Variants in UBE2O observed in about 807,000 individuals in gnomAD.
The protein encoded by UBE2O is ubiquitin conjugating enzyme E2 O.
Under a neutral mutation model 125.8 loss-of-function variants are expected in UBE2O, and 15 were observed. That is an observed-to-expected ratio of 0.12 (90% CI 0.08 to 0.18). UBE2O has a LOEUF of 0.18. Among genes scored for constraint, UBE2O ranks in the 10% least tolerant of loss-of-function variants. UBE2O has a pLI of 1.00. For synonymous variants in UBE2O, 708 were observed against 703.2 expected (o/e 1.01, Z -0.11); for missense variants, 1,280 against 1,723.6 (o/e 0.74, Z 4.56).
intron 1 of UBE2O, among the ~76,000 whole-genome samples, chr17:76,443,057 T>A (rs72860817): frequency 0.021 from 3,123 of 152,254 alleles, 35 homozygotes; most frequent in Middle Eastern, 0.058. Context: ...AGTGCTATCA[T>A]GTCTGCCACT....
Position 76,396,267 on chromosome 17 carries a change from G to C in UBE2O, c.2670C>G (p.Asp890Glu). 1 of 1,614,230 alleles carries C rather than the reference G, an allele frequency of 6.2e-7. No homozygotes were observed. ...TCACAGGTGACTGCCCCTCGGGCTT[G>C]TCCTCCTTGCGCTCTACGTCGGGCA... ...EAVPDVERKE[D>E]KPEGQSPVKA... Residue 890 changes from aspartate (D) to glutamate (E), a missense_variant, in exon 14 of 18, where the codon GAC (aspartate) becomes GAG (glutamate). Asp to Glu is a conservative substitution (Grantham distance 45). This residue lies in a region of UBE2O where 116 missense variants were observed against 154.8 expected (regional missense o/e 0.75). Coordinates refer to ENST00000319380, the MANE Select transcript of UBE2O (RefSeq NM_022066.4). The surrounding 1 kb of genome is among the most constrained non-coding windows in gnomAD (Gnocchi z 6.7).
rs775107565 is a variant in UBE2O at position 76,449,834 on chromosome 17, C to T, written c.417+2891G>A. Among the ~76,000 whole-genome samples the T allele has an allele frequency of 7.9e-5, 12 of 152,148 alleles. 1 individual carries two copies. Among genetic ancestry groups the T allele is most frequent in the African/African-American group, 2.9e-4 (12 of 41,518 alleles). On this transcript the variant is annotated intron_variant, in intron 1 of 17. Transcript: ENST00000319380. ...ACTCGGGAGGCTGAGGTAGGAGAAT[C>T]GCTTGAACCCGGGAGGCAGAGGTTG...
In UBE2O at chr17:76,391,620, G is replaced by A. The variant is rs201550259; in HGVS notation, c.3209-7C>T. 2 of 1,607,782 alleles carry A rather than the reference G, an allele frequency of 1.2e-6. No individual in the cohort carries two copies. Among genetic ancestry groups the A allele is most frequent in the Non-Finnish European group, 1.7e-6 (2 of 1,175,518 alleles). ...TCATTTACCAGGATCAGACCTGTGTGGGCGGGACACCTTCCCTCAGTGGGT... is the reference window on the plus strand; with the variant it reads ...TCATTTACCAGGATCAGACCTGTGTAGGCGGGACACCTTCCCTCAGTGGGT... On this transcript the variant is annotated splice_region_variant and splice_polypyrimidine_tract_variant and intron_variant, in intron 17 of 17. Transcript: ENST00000319380. The surrounding 1 kb of genome is among the most constrained non-coding windows in gnomAD (Gnocchi z 8.4).
chr17:76,418,543 C>T (rs901846111), intron 1 of UBE2O, among the ~76,000 whole-genome samples: 3 of 151,862 alleles, frequency 2.0e-5, no homozygotes, highest in African/African-American at 7.3e-5. Context: ...GAGCAGCCTC[C>T]ACAGGTCCCT....
rs148795177 is a variant in UBE2O, at chr17:76,403,804, G to A, written c.589-1105C>T. ...GGCTGGATCACAAAAAGTACAAGATGAGCCTGGCACATCTCATGCCAGAAA... is the reference window on the plus strand; with the variant it reads ...GGCTGGATCACAAAAAGTACAAGATAAGCCTGGCACATCTCATGCCAGAAA... On this transcript the variant is annotated intron_variant, in intron 3 of 17. Coordinates refer to ENST00000319380, the MANE Select transcript of UBE2O (RefSeq NM_022066.4). Among the ~76,000 whole-genome samples the A allele has an allele frequency of 4.5e-4, 68 of 152,160 alleles. 1 individual carries two copies. The highest frequency in any genetic ancestry group is 1.5e-3 in the African/African-American group (64 of 41,492).
In UBE2O at chr17:76,447,296, T is replaced by C. The variant is rs187003219; in HGVS notation, c.417+5429A>G. Among the ~76,000 whole-genome samples the C allele has an allele frequency of 2.6e-5, 4 of 152,346 alleles. No homozygotes were observed. In the East Asian group the frequency reaches 7.7e-4, roughly 29 times the overall value. ...ATTCAGATTCCTCCACTTAGAAGTG[T>C]GACACTGGGCAATTTACTTAACCTC... On this transcript the variant is annotated intron_variant, in intron 1 of 17. Coordinates refer to ENST00000319380, the MANE Select transcript of UBE2O (RefSeq NM_022066.4).
intron 1 of UBE2O, among the ~76,000 whole-genome samples, chr17:76,444,437 T>G (rs988319122): frequency 3.4e-4 from 52 of 152,208 alleles, no homozygotes; most frequent in African/African-American, 1.2e-3. Flanking sequence ...CACAGGAGGC[T>G]GAGGTGGGAG....
At chr17:76,417,897 A>G (rs2072643092) in intron 1 of UBE2O, among the ~76,000 whole-genome samples, 1 of 152,210 alleles carries the variant, frequency 6.6e-6, no homozygotes, top group Non-Finnish European at 1.5e-5. Flanking sequence ...CCCAGTCTCC[A>G]TGATGGTGCT....
rs1049019823 is a variant in UBE2O at position 76,402,208 on chromosome 17, G to A, written c.687-81C>T. On this transcript the variant is annotated intron_variant, in intron 4 of 17. Transcript: ENST00000319380. This position sits in a 1 kb window ranked among gnomAD's most constrained non-coding sequence, Gnocchi z 5.4. ...AGTTGCGATTCTGAGATGCCAATGCGCCCACATGCCCTAAATAGCACAATT... is the reference window on the plus strand; with the variant it reads ...AGTTGCGATTCTGAGATGCCAATGCACCCACATGCCCTAAATAGCACAATT... 35 of 1,236,420 alleles carry A rather than the reference G, an allele frequency of 2.8e-5. No homozygotes were observed. The highest frequency in any genetic ancestry group is 3.4e-5 in the Non-Finnish European group (29 of 854,950). The allele number at this position is 1,236,420 out of a possible 1,614,324, so 76.6% of individuals were successfully genotyped here.
chr17:76,405,399 C>T lies in UBE2O; in HGVS notation c.478-83G>A. 5 of 1,505,842 alleles carry T rather than the reference C, an allele frequency of 3.3e-6. No individual in the cohort carries two copies. The highest frequency in any genetic ancestry group is 4.6e-6 in the Non-Finnish European group (5 of 1,098,170). 93.3% of individuals were successfully genotyped at this position (1,505,842 alleles called of 1,614,324 possible). ...AGACCCAGCCCAGGCAACCCCAGCG[C>T]ACCCCCTGCAGAGCTGGCCAGTTCT... On this transcript the variant is annotated intron_variant, in intron 2 of 17. Coordinates refer to ENST00000319380, the MANE Select transcript of UBE2O (RefSeq NM_022066.4). This position sits in a 1 kb window ranked among gnomAD's most constrained non-coding sequence, Gnocchi z 6.1.
chr17:76,402,018 G>T lies in UBE2O; in HGVS notation c.750+46C>A. ...TTGCTACGAAGTCCTCCTTCCAGAG[G>T]ACTGAGCAATCAGAGAAGGGTGCTG... On this transcript the variant is annotated intron_variant, in intron 5 of 17. Coordinates refer to ENST00000319380, the MANE Select transcript of UBE2O (RefSeq NM_022066.4). This position sits in a 1 kb window ranked among gnomAD's most constrained non-coding sequence, Gnocchi z 5.4. 1 of 1,599,962 alleles carries T rather than the reference G, an allele frequency of 6.3e-7. No individual in the cohort carries two copies. The highest frequency in any genetic ancestry group is 8.5e-7 in the Non-Finnish European group (1 of 1,171,236).
intron 1 of UBE2O, among the ~76,000 whole-genome samples, chr17:76,435,447 CACACACACA>C (rs2072979869): frequency 2.1e-5 from 3 of 144,394 alleles, no homozygotes; most frequent in Admixed American, 2.1e-4. Context: ...CACACACACA[CACACACACA>C]AAGATTAAGA....
intron 1 of UBE2O, among the ~76,000 whole-genome samples, chr17:76,429,602 C>T (rs1256328521): frequency 6.6e-6 from 1 of 151,164 alleles, no homozygotes; most frequent in Non-Finnish European, 1.5e-5. Flanking sequence ...TGATAGAAAC[C>T]CTGTGAACAT....
intron 1 of UBE2O, among the ~76,000 whole-genome samples, chr17:76,422,335 C>T (rs901897775): frequency 2.0e-5 from 3 of 152,190 alleles, no homozygotes; most frequent in Admixed American, 2.0e-4. Context: ...CCAGGCTGAG[C>T]TCAAGTCCCA....
In UBE2O at chr17:76,397,685, G is replaced by A. The variant is rs781396194; in HGVS notation, c.2115+114C>T. 5.1e-5 allele frequency: 53 copies of A among 1,047,992 alleles called. No homozygotes were observed. The Admixed American group carries it at 6.9e-4, about 14-fold the overall frequency. The allele number at this position is 1,047,992 out of a possible 1,614,324, so 64.9% of individuals were successfully genotyped here. A position where few individuals can be genotyped will look rare whatever the true frequency, so the allele number is the denominator to read the frequency against. On this transcript the variant is annotated intron_variant, in intron 13 of 17. Transcript: ENST00000319380. ...TGCCTGCCTTTCCCCTCACGCTTTC[G>A]CTGAGATCTCACCAGGAAGACCTGA...
intron 1 of UBE2O, among the ~76,000 whole-genome samples, chr17:76,417,820 C>T (rs1459984384): frequency 6.6e-6 from 1 of 152,118 alleles, no homozygotes; most frequent in African/African-American, 2.4e-5. Context: ...CATCAGCGTC[C>T]GCGAAGAGAC....
chr17:76,399,419 C>T lies in UBE2O; in HGVS notation c.1628+30G>A, dbSNP rs1236577116. ...ACTCTGCCTGGCTTCACGCTGACGC[C>T]ATTGGGGAGGGGCACAACTCTGAGT... On this transcript the variant is annotated intron_variant, in intron 9 of 17. Coordinates refer to ENST00000319380, the MANE Select transcript of UBE2O (RefSeq NM_022066.4). This position sits in a 1 kb window ranked among gnomAD's most constrained non-coding sequence, Gnocchi z 6.9. 6.2e-7 allele frequency: 1 copy of T among 1,603,132 alleles called. No individual in the cohort carries two copies. The highest frequency in any genetic ancestry group is 2.2e-5 in the East Asian group (1 of 44,772).
At chr17:76,409,215 GC>G (rs1226937593) in intron 1 of UBE2O, among the ~76,000 whole-genome samples, 2 of 152,090 alleles carry the variant, frequency 1.3e-5, no homozygotes, top group Non-Finnish European at 2.9e-5. Flanking sequence ...TGATCTGCCA[GC>G]CTCGGCCTCC....
intron 1 of UBE2O, among the ~76,000 whole-genome samples, chr17:76,411,667 T>G (rs1272903055): frequency 6.6e-6 from 1 of 152,134 alleles, no homozygotes; most frequent in Non-Finnish European, 1.5e-5. Flanking sequence ...TGGAGGTTAG[T>G]GATGTAATCA....
Sources: gnomAD v4.1 joint callset for allele counts (sites outside exome capture counted in the v4.1 genomes callset) on GRCh38, gnomAD v4.1.1 for gene constraint, gnomAD v4.1.1 regional missense constraint, Gnocchi (gnomAD v3.1) non-coding constraint, MANE v1.5 for transcripts, NCBI Gene and HGNC (gene_info 2026-07-23, HGNC 2026-07-21) for gene names.